The following DOCK7 variants were observed in gnomAD, a reference collection of about 807,000 sequenced individuals.
DOCK7 encodes the protein dedicator of cytokinesis 7, also known as dedicator of cytokinesis protein 7.
Under a neutral mutation model 271.0 loss-of-function variants are expected in DOCK7, and 138 were observed. That is an observed-to-expected ratio of 0.51 (90% CI 0.44 to 0.59). The LOEUF (loss-of-function observed/expected upper bound fraction) is 0.59, where lower values mean the gene tolerates loss of function less well. DOCK7 is among the 20% of genes least tolerant of loss of function. The pLI is 0.00. For missense variants in DOCK7, 2,066 were observed against 2,592.4 expected (o/e 0.80, Z 4.41); for synonymous variants, 823 against 876.1 (o/e 0.94, Z 1.07).
At position 62,619,925 on chromosome 1, in the gene DOCK7, G is replaced by A; in HGVS notation, c.1494C>T (p.Val498=). The A allele has an allele frequency of 6.2e-7, 1 of 1,613,546 alleles. No individual in the cohort carries two copies. The highest frequency in any genetic ancestry group is 8.5e-7 in the Non-Finnish European group (1 of 1,179,672). The change falls in exon 13 of 50, where the codon GTC becomes GTT. Residue 498 remains valine (V), a synonymous_variant. Transcript: ENST00000635253. ...CTGTAATAGGTCTTAGTCGCCGTAA[G>A]ACAGAAGATGGCCTTCTCATATCAG... ...FLADMRRPSS[V]LRRLRPITAQ...
intron 14 of DOCK7, among the ~76,000 whole-genome samples, chr1:62,611,169 T>C (rs917688098): frequency 2.0e-5 from 3 of 152,250 alleles, no homozygotes; most frequent in African/African-American, 7.2e-5. Flanking sequence ...TGAGGCCAGA[T>C]CATGTTATTT....
intron 20 of DOCK7, 124 bp downstream of exon 20, chr1:62,558,865 T>C: frequency 1.3e-6 from 1 of 750,102 alleles, no homozygotes; most frequent in Non-Finnish European, 2.1e-6. Context: ...AATAACATCT[T>C]CCACCCCAAA....
chr1:62,618,799 T>A lies in DOCK7; in HGVS notation c.1589A>T (p.Gln530Leu), dbSNP rs966141380. The A allele has an allele frequency of 3.1e-6, 5 of 1,613,690 alleles. No homozygotes were observed. Among genetic ancestry groups the A allele is most frequent in the Non-Finnish European group, 3.4e-6 (4 of 1,179,744 alleles). ...PHYCLTPELL[Q>L]VKLYPDSRVR... ...TCTACTGTCAGGGTAAAGCTTCACT[T>A]GAAGCAGCTCCGGAGTTAGGCAATA... The change falls in exon 14 of 50, where the codon CAA becomes CTA. Residue 530 changes from glutamine to leucine, a missense_variant. By Grantham distance (113) the Gln-to-Leu change is moderately radical (BLOSUM62 -2). Transcript: ENST00000635253.
chr1:62,520,049 T>C (rs952342430), intron 31 of DOCK7, among the ~76,000 whole-genome samples: 1 of 152,330 alleles, frequency 6.6e-6, no homozygotes, highest in East Asian at 1.9e-4. Flanking sequence ...CCTAGCCATA[T>C]GCAGAAAACT....
At chr1:62,649,678 A>G (rs1414383911) in intron 4 of DOCK7, among the ~76,000 whole-genome samples, 5 of 152,186 alleles carry the variant, frequency 3.3e-5, no homozygotes, top group Admixed American at 3.3e-4. Flanking sequence ...GTCTGTTGCT[A>G]TGATAAGGCT....
rs1230158889 is a variant in DOCK7, at chr1:62,475,755, A to G, written c.5913T>C (p.His1971=). ...FKRKTILTTS[H]AFPYIKTRVN... ...CCCTTGTTTTAATATAAGGAAAGGC[A>G]TGAGACGTAGTCAGAATGGTCTTCC... Residue 1971 remains histidine (H), a synonymous_variant, in exon 46 of 50, where the codon CAT becomes CAC. Coordinates refer to ENST00000635253, the MANE Select transcript of DOCK7 (RefSeq NM_001367561.1). The G allele has an allele frequency of 1.2e-6, 2 of 1,614,094 alleles. No homozygotes were observed. Among genetic ancestry groups the G allele is most frequent in the South Asian group, 2.2e-5 (2 of 91,090 alleles).
intron 36 of DOCK7, 88 bp downstream of exon 36, chr1:62,505,593 AT>A: frequency 1.5e-6 from 2 of 1,377,516 alleles, no homozygotes; most frequent in Non-Finnish European, 2.0e-6. Context: ...ATTACTACAT[AT>A]ATTAACCAAT....
Position 62,634,875 on chromosome 1 carries a change from C to T in DOCK7, c.933G>A (p.Gly311=). 1 of 1,612,024 alleles carries T rather than the reference C, an allele frequency of 6.2e-7. No individual in the cohort carries two copies. Among genetic ancestry groups the T allele is most frequent in the East Asian group, 2.2e-5 (1 of 44,754 alleles). ...YFDLNSEQMK[G]LLRPHVPPAA... ...CAGGTGGTACATGTGGACGTAACAA[C>T]CCTTTCATCTGCTCAGAATTAAGGT... Residue 311 remains glycine (G), a synonymous_variant, in exon 9 of 50, where the codon GGG becomes GGA. Coordinates refer to ENST00000635253, the MANE Select transcript of DOCK7 (RefSeq NM_001367561.1).
At chr1:62,528,366 T>C in intron 30 of DOCK7, 61 bp from the exon 31 acceptor site, 25 of 1,397,184 alleles carry the variant, frequency 1.8e-5, no homozygotes, top group Non-Finnish European at 2.4e-5. Flanking sequence ...TTCCCTTTCC[T>C]ATTCTCCACT....
In DOCK7 at chr1:62,636,334, T is replaced by C. The variant is rs116170984; in HGVS notation, c.885+203A>G. On this transcript the variant is annotated intron_variant, in intron 8 of 49. Transcript: ENST00000635253. ...TGCTTCTGCTATTTGCTTTTAACAC[T>C]CTTTCAGTGAAACAATAACCTGTTT... 0.017 allele frequency among the ~76,000 whole-genome samples: 2,633 copies of C among 152,282 alleles called. 76 individuals are homozygous for C. The highest frequency in any genetic ancestry group is 0.06 in the African/African-American group (2,485 of 41,560).
At chr1:62,570,303 T>C (rs910236949) in intron 18 of DOCK7, among the ~76,000 whole-genome samples, 81 of 152,106 alleles carry the variant, frequency 5.3e-4, no homozygotes, top group African/African-American at 1.8e-3. Flanking sequence ...CCATTTATAA[T>C]TGCTACAAAG....
chr1:62,520,945 C>T (rs1644829330), intron 31 of DOCK7, among the ~76,000 whole-genome samples: 1 of 152,114 alleles, frequency 6.6e-6, no homozygotes, highest in Non-Finnish European at 1.5e-5. Flanking sequence ...AGTTCATGTC[C>T]TTTGCAGGGA....
chr1:62,664,577 C>T (rs373923456), intron 1 of DOCK7, among the ~76,000 whole-genome samples: 12 of 152,200 alleles, frequency 7.9e-5, no homozygotes, highest in South Asian at 2.1e-4. Flanking sequence ...AACTCCTACA[C>T]GGGATGTTTC....
intron 7 of DOCK7, chr1:62,638,463 GT>G: frequency 6.7e-6 from 1 of 150,374 alleles, no homozygotes; most frequent in Admixed American, 6.6e-5. Context: ...CTCTCTATCT[GT>G]AAAAAAAATT....
intron 1 of DOCK7, among the ~76,000 whole-genome samples, chr1:62,680,178 A>G (rs2149771019): frequency 6.6e-6 from 1 of 152,340 alleles, no homozygotes; most frequent in Non-Finnish European, 1.5e-5. Flanking sequence ...TGGTACTGGT[A>G]CCAAAACAGA....
intron 7 of DOCK7, among the ~76,000 whole-genome samples, chr1:62,640,952 T>G (rs1478068159): frequency 2.0e-5 from 3 of 152,188 alleles, no homozygotes; most frequent in Non-Finnish European, 2.9e-5. Flanking sequence ...TAAAGTAACC[T>G]TATAGAAAGG....
chr1:62,553,322 A>T (rs1300656647), intron 21 of DOCK7, among the ~76,000 whole-genome samples: 8 of 18,682 alleles, frequency 4.3e-4, no homozygotes, highest in South Asian at 2.3e-3. Flanking sequence ...TTATATATAT[A>T]TATATATATA....
chr1:62,645,867 G>A (rs979319141), intron 7 of DOCK7, among the ~76,000 whole-genome samples: 3 of 152,148 alleles, frequency 2.0e-5, no homozygotes, highest in Non-Finnish European at 4.4e-5. Flanking sequence ...AAACTACTCG[G>A]CCAGGCGTGG....
intron 20 of DOCK7, among the ~76,000 whole-genome samples, chr1:62,556,252 A>G (rs1279445077): frequency 6.6e-6 from 1 of 152,210 alleles, no homozygotes; most frequent in Non-Finnish European, 1.5e-5. Flanking sequence ...AAAAGAAAAC[A>G]ATGCTCAACG....
Sources: gnomAD v4.1 joint callset for allele counts (sites outside exome capture counted in the v4.1 genomes callset) on GRCh38, gnomAD v4.1.1 for gene constraint, MANE v1.5 for transcripts, NCBI Gene and HGNC (gene_info 2026-07-23, HGNC 2026-07-21) for gene names.